Variants in DVL1 observed in about 807,000 individuals in gnomAD.
The protein encoded by DVL1 is dishevelled segment polarity protein 1.
DVL1 carries 49 observed loss-of-function variants against 65.0 expected under a neutral mutation model. That is an observed-to-expected ratio of 0.75 (90% confidence interval 0.60 to 0.96). DVL1 has a LOEUF of 0.96. Among genes scored for constraint, DVL1 ranks in the 40% least tolerant of loss-of-function variants. The pLI, the probability that DVL1 is intolerant of heterozygous loss-of-function variation, is 0.00. For synonymous variants in DVL1, 608 were observed against 433.9 expected, an observed-to-expected ratio of 1.40 and a Z score of -4.99; for missense variants, 1,197 against 1,045.4, an observed-to-expected ratio of 1.15 and a Z score of -2.00.
At chr1:1,347,625 A>C (rs997767776) in intron 1 of DVL1, among the ~76,000 whole-genome samples, 4 of 152,194 alleles carry the variant, frequency 2.6e-5, no homozygotes, top group Non-Finnish European at 4.4e-5. Context: ...CTAAGTCAAA[A>C]ACAAAAGTAC....
chr1:1,339,763 A>G lies in DVL1; in HGVS notation c.959T>C (p.Val320Ala). 6.2e-7 allele frequency: 1 copy of G among 1,612,674 alleles called. No individual in the cohort carries two copies. The highest frequency in any genetic ancestry group is 8.5e-7 in the Non-Finnish European group (1 of 1,179,830). The change falls in exon 9 of 15, where the codon GTG (valine) becomes GCG (alanine). Residue 320 changes from valine to alanine, a missense_variant. Coordinates refer to ENST00000378888, the MANE Select transcript of DVL1 (RefSeq NM_001330311.2). ...CGTCTGGGAAACGATCTCCCGCAGC[A>G]CCCGCACGGCATCGTCATTGCTCAT... ...ENMSNDDAVRVLREIVSQTGP... is the reference protein window; with the variant it reads ...ENMSNDDAVRALREIVSQTGP...
In DVL1 at chr1:1,336,337, G is replaced by T. The variant is rs758335347; in HGVS notation, c.1893C>A (p.Arg631=). Residue 631 remains arginine (R), a synonymous_variant, in exon 15 of 15, where the codon CGC becomes CGA. Transcript: ENST00000378888. ...AGQLSRGSSP[R]SQASATAPGL... is the part of the protein sequence containing the mutation. ...CCGGGGCGGTAGCCGAGGCCTGACT[G>T]CGTGGGCTGCTGCCACGGCTGAGCT... 6 of 1,590,848 alleles carry T rather than the reference G, an allele frequency of 3.8e-6. No individual in the cohort carries two copies. In the South Asian group the frequency reaches 5.6e-5, roughly 15 times the overall value.
chr1:1,345,388 G>A (rs956428700), intron 1 of DVL1, among the ~76,000 whole-genome samples: 8 of 152,174 alleles, frequency 5.3e-5, no homozygotes, highest in Non-Finnish European at 8.8e-5. Flanking sequence ...GGGGCTCCAG[G>A]GATCAGCTAC....
chr1:1,342,213 GC>G, intron 3 of DVL1, 57 bp from the exon 4 acceptor site: 1 of 1,507,780 alleles, frequency 6.6e-7, no homozygotes, highest in East Asian at 2.5e-5. Flanking sequence ...CTCAGATGCC[GC>G]CCAGCCCAGC....
intron 1 of DVL1, among the ~76,000 whole-genome samples, chr1:1,343,266 C>T (rs868263545): frequency 6.6e-6 from 1 of 151,992 alleles, no homozygotes; most frequent in Non-Finnish European, 1.5e-5. Flanking sequence ...AGCCCCCCCC[C>T]CCCAGGGCTT....
At position 1,345,222 on chromosome 1, in the gene DVL1, G is replaced by A. The variant is rs1044944408; in HGVS notation, c.171-2464C>T. 3.3e-5 allele frequency among the ~76,000 whole-genome samples: 5 copies of A among 152,178 alleles called. No individual in the cohort carries two copies. The East Asian group carries it at 7.7e-4, about 23-fold the overall frequency. On this transcript the variant is annotated intron_variant, in intron 1 of 14. Transcript: ENST00000378888. ...CTGCCCCCTCACAGATGTCCAGCCA[G>A]GACCCAGAGGCCCTACTCACTCCGC...
At position 1,338,203 on chromosome 1, in the gene DVL1, G is replaced by C. The variant is rs1450620292; in HGVS notation, c.1508-20C>G. On this transcript the variant is annotated intron_variant, in intron 13 of 14. Transcript: ENST00000378888. ...CGAGATCTGGCGGGGGAGGGTAGGT[G>C]AGGGCCGCGGAGGGGCCTCCGGCGT... The C allele has an allele frequency of 1.0e-5, 16 of 1,593,914 alleles. No homozygotes were observed. The highest frequency in any genetic ancestry group is 1.4e-5 in the Non-Finnish European group (16 of 1,169,898).
intron 14 of DVL1, among the ~76,000 whole-genome samples, chr1:1,337,326 C>T (rs1179908342): frequency 6.6e-6 from 1 of 152,162 alleles, no homozygotes; most frequent in Admixed American, 6.5e-5. Flanking sequence ...GCTGGCCTCA[C>T]CAACCCCACC....
intron 5 of DVL1, among the ~76,000 whole-genome samples, chr1:1,340,992 G>A (rs911834918): frequency 8.1e-6 from 1 of 123,126 alleles, no homozygotes; most frequent in Non-Finnish European, 1.6e-5. Flanking sequence ...ATGCACACCT[G>A]CATACTCACC....
intron 14 of DVL1, chr1:1,336,965 G>A (rs1047168529): frequency 1.8e-5 from 18 of 983,336 alleles, no homozygotes; most frequent in Admixed American, 1.8e-4. Context: ...GGAGCTGGAG[G>A]GCGTGGCTGG....
At chr1:1,347,766 C>A (rs1304709266) in intron 1 of DVL1, among the ~76,000 whole-genome samples, 1 of 152,164 alleles carries the variant, frequency 6.6e-6, no homozygotes, top group South Asian at 2.1e-4. Flanking sequence ...CCAACCTGAC[C>A]GGAGCGGGCA....
chr1:1,340,641 C>A, intron 5 of DVL1, 138 bp from the exon 6 acceptor site: 3 of 877,548 alleles, frequency 3.4e-6, no homozygotes, highest in Admixed American at 5.0e-5. Context: ...GACGTCCACG[C>A]CCCAGGCCCT....
chr1:1,341,120 C>T (rs889763698), intron 5 of DVL1, among the ~76,000 whole-genome samples: 1 of 149,436 alleles, frequency 6.7e-6, no homozygotes, highest in African/African-American at 2.5e-5. Context: ...CACACGCACG[C>T]CTGCACATGC....
At chr1:1,341,599 T>C (rs1643831722) in intron 5 of DVL1, 68 bp downstream of exon 5, 23 of 895,356 alleles carry the variant, frequency 2.6e-5, no homozygotes, top group East Asian at 6.0e-5. Context: ...TGCAGACACA[T>C]GCACATCATG....
At chr1:1,347,874 G>A (rs1643941970) in intron 1 of DVL1, among the ~76,000 whole-genome samples, 1 of 152,196 alleles carries the variant, frequency 6.6e-6, no homozygotes, top group South Asian at 2.1e-4. Flanking sequence ...GGGTGGGGAA[G>A]GAAAGTACAG....
At chr1:1,341,000 ACCTGCACACGCACC>A (rs1224606115) in intron 5 of DVL1, among the ~76,000 whole-genome samples, 2 of 134,114 alleles carry the variant, frequency 1.5e-5, no homozygotes, top group Non-Finnish European at 3.1e-5. Flanking sequence ...CTGCATACTC[ACCTGCACACGCACC>A]CCTGCACAAT....
chr1:1,341,722 T>C lies in DVL1; in HGVS notation c.550A>G (p.Ser184Gly). 1 of 1,611,576 alleles carries C rather than the reference T, an allele frequency of 6.2e-7. No homozygotes were observed. The highest frequency in any genetic ancestry group is 8.5e-7 in the Non-Finnish European group (1 of 1,179,028). The change falls in exon 5 of 15, where the codon AGC becomes GGC. Residue 184 changes from serine (S) to glycine (G), a missense_variant. By Grantham distance (56) the Ser-to-Gly change is moderately conservative. Transcript: ENST00000378888. Reference protein sequence around the residue: ...PPDSASTALSSELESSSFVDS... With the variant: ...PPDSASTALSGELESSSFVDS... ...ACAAAGCTGCTGGACTCAAGCTCGCTGCTGAGGGCGGTGGACGCGCTGTCT... is the reference window on the plus strand; with the variant it reads ...ACAAAGCTGCTGGACTCAAGCTCGCCGCTGAGGGCGGTGGACGCGCTGTCT...
rs1240809133 is a variant in DVL1 at position 1,335,303 on chromosome 1, T to C, written c.*839A>G. The C allele has an allele frequency of 1.3e-5, 2 of 152,238 alleles. No homozygotes were observed. Among genetic ancestry groups the C allele is most frequent in the Non-Finnish European group, 2.9e-5 (2 of 68,060 alleles). 9.4% of individuals were successfully genotyped at this position (152,238 alleles called of 1,614,324 possible). A position where few individuals can be genotyped will look rare whatever the true frequency, so the allele number is the denominator to read the frequency against. On this transcript the variant is annotated 3_prime_UTR_variant, in exon 15 of 15. Transcript: ENST00000378888. The stretch of plus-strand genomic sequence containing the variant: ...TCCCATAAAATTAAACGCTTTTTAG[T>C]GTTTAAAATAAGCAGCATTTACACA...
chr1:1,342,386 C>T lies in DVL1; in HGVS notation c.339G>A (p.Gly113=). The stretch of plus-strand genomic sequence containing the variant: ...ACTGGAAGGAGGGGGGCCGGGAGTC[C>T]CCGATGCCGCCTGTCCGCTCAAGAG... ...PPPLERTGGI[G]DSRPPSFHPN... is the part of the protein sequence containing the mutation. The change falls in exon 3 of 15, where the codon GGG becomes GGA. Residue 113 remains glycine, a synonymous_variant. Coordinates refer to ENST00000378888, the MANE Select transcript of DVL1 (RefSeq NM_001330311.2). 1 of 1,586,178 alleles carries T rather than the reference C, an allele frequency of 6.3e-7. No individual in the cohort carries two copies. The highest frequency in any genetic ancestry group is 8.6e-7 in the Non-Finnish European group (1 of 1,167,980).
Sources: allele counts gnomAD v4.1 joint callset (sites outside exome capture counted in the v4.1 genomes callset), GRCh38; gene constraint gnomAD v4.1.1; transcripts MANE v1.5; gene names NCBI Gene and HGNC (gene_info 2026-07-23, HGNC 2026-07-21).